RICTOR: variants seen among roughly 807,000 people sequenced by gnomAD.
RICTOR encodes the protein rapamycin-insensitive companion of mTOR.
RICTOR carries 49 observed loss-of-function variants against 214.9 expected under a neutral mutation model. The ratio of observed to expected loss-of-function variants is 0.23; its 90% CI spans 0.18 to 0.29. The LOEUF is 0.29. RICTOR is among the 10% of genes least tolerant of loss of function. The pLI, the probability that RICTOR is intolerant of heterozygous loss-of-function variation, is 1.00. For synonymous variants in RICTOR, 717 were observed against 711.3 expected, an observed-to-expected ratio of 1.01 and a Z score of -0.13; for missense variants, 1,625 against 2,047.0, an observed-to-expected ratio of 0.79 and a Z score of 3.98.
chr5:39,005,112 C>A (rs1353376186), intron 3 of RICTOR, among the ~76,000 whole-genome samples: 1 of 152,154 alleles, frequency 6.6e-6, no homozygotes, highest in Admixed American at 6.6e-5. Flanking sequence ...GACATCTTTC[C>A]TTATCTTTGG....
At chr5:38,955,024 T>C (rs1038255553) in intron 26 of RICTOR, 163 bp from the exon 27 acceptor site, 2 of 459,884 alleles carry the variant, frequency 4.3e-6, no homozygotes, top group Non-Finnish European at 7.6e-6. Flanking sequence ...AGGTAAAATA[T>C]AGGCTGGGCT....
intron 2 of RICTOR, among the ~76,000 whole-genome samples, chr5:39,062,843 A>ATT (rs1043568085): frequency 2.0e-5 from 3 of 152,092 alleles, no homozygotes; most frequent in African/African-American, 7.2e-5. Context: ...CTCAAACACT[A>ATT]TTTATCCTGT....
In RICTOR at chr5:38,946,490, T is replaced by A; in HGVS notation, c.4377A>T (p.Arg1459Ser). The change falls in exon 33 of 38, where the codon AGA (arginine) becomes AGT (serine). Residue 1459 changes from arginine to serine, a missense_variant. Transcript: ENST00000357387. Reference sequence around the variant, plus strand: ...TACCTCCTGCATCATGGGCAAATGCTCTTGCACCTCGATCATCATGTGGTG... The same window carrying A: ...TACCTCCTGCATCATGGGCAAATGCACTTGCACCTCGATCATCATGTGGTG... ...NIPPHDDRGA[R>S]AFAHDAGGLP... 6.2e-7 allele frequency: 1 copy of A among 1,610,902 alleles called. No homozygotes were observed. The highest frequency in any genetic ancestry group is 2.2e-5 in the East Asian group (1 of 44,784).
chr5:38,968,143 C>T (rs1310567891), intron 11 of RICTOR, 113 bp from the exon 12 acceptor site: 2 of 649,298 alleles, frequency 3.1e-6, no homozygotes, highest in East Asian at 5.4e-5. Flanking sequence ...AATACAATGA[C>T]ATGTCACATA....
At chr5:39,028,787 G>A (rs889453084) in intron 2 of RICTOR, among the ~76,000 whole-genome samples, 1 of 152,030 alleles carries the variant, frequency 6.6e-6, no homozygotes, top group African/African-American at 2.4e-5. Flanking sequence ...AATCCCAGCA[G>A]CTAGGGAGGC....
intron 3 of RICTOR, among the ~76,000 whole-genome samples, chr5:39,018,672 T>A (rs1013496015): frequency 1.3e-5 from 2 of 152,100 alleles, no homozygotes; most frequent in African/African-American, 4.8e-5. Context: ...AAATGTGTGT[T>A]CCAATTCCTC....
rs1747593453 is a variant in RICTOR, at chr5:38,941,719, G to A, written c.*585C>T. 2 of 232,218 alleles carry A rather than the reference G, an allele frequency of 8.6e-6. No homozygotes were observed. Among genetic ancestry groups the A allele is most frequent in the Non-Finnish European group, 8.5e-6 (1 of 117,230 alleles). 14.4% of individuals were successfully genotyped at this position (232,218 alleles called of 1,614,324 possible). A position where few individuals can be genotyped will look rare whatever the true frequency, so the allele number is the denominator to read the frequency against. On this transcript the variant is annotated 3_prime_UTR_variant, in exon 38 of 38. Transcript: ENST00000357387. ...AATAACTTATAAGTCCCGGGTTGTT[G>A]AGGCTCTTCTTCTGCTTTGAGGTTA...
chr5:38,939,168 G>A lies in RICTOR; in HGVS notation c.*3136C>T, dbSNP rs1047773400. On this transcript the variant is annotated 3_prime_UTR_variant, in exon 38 of 38. Transcript: ENST00000357387. Reference sequence around the variant, plus strand: ...GGGGATAAAAGGCATCCTCTGAATGGAATAACATTTTATATAAATAGCAGT... The same window carrying A: ...GGGGATAAAAGGCATCCTCTGAATGAAATAACATTTTATATAAATAGCAGT... The A allele has an allele frequency of 4.3e-6, 1 of 232,772 alleles. No individual in the cohort carries two copies. Among genetic ancestry groups the A allele is most frequent in the Admixed American group, 5.6e-5 (1 of 17,758 alleles). The allele number at this position is 232,772 out of a possible 1,614,324, so 14.4% of individuals were successfully genotyped here. A position where few individuals can be genotyped will look rare whatever the true frequency, so the allele number is the denominator to read the frequency against.
At chr5:39,017,001 T>C (rs1480879382) in intron 3 of RICTOR, among the ~76,000 whole-genome samples, 2 of 152,216 alleles carry the variant, frequency 1.3e-5, no homozygotes, top group African/African-American at 4.8e-5. Context: ...TTTACTTTTT[T>C]AGTATGGCTA....
In RICTOR at chr5:38,967,142, T is replaced by TA; in HGVS notation, c.1218+18dup. 1 of 1,533,740 alleles carries TA rather than the reference T, an allele frequency of 6.5e-7. No homozygotes were observed. Among genetic ancestry groups the TA allele is most frequent in the Non-Finnish European group, 9.0e-7 (1 of 1,108,774 alleles). On this transcript the variant is annotated intron_variant, in intron 14 of 37. Transcript: ENST00000357387. Reference sequence around the variant, plus strand: ...AGAAAATAAACAAAATGGAATAAAATAAGGTTTATAAGTCTTACCTCTAAA... The same window carrying TA: ...AGAAAATAAACAAAATGGAATAAAATAAAGGTTTATAAGTCTTACCTCTAAA...
intron 4 of RICTOR, 125 bp from the exon 5 acceptor site, chr5:39,002,791 G>C (rs1753739349): frequency 1.1e-6 from 1 of 879,982 alleles, no homozygotes; most frequent in Admixed American, 2.8e-5. Context: ...AATTCTAAGA[G>C]CATTCTACAT....
chr5:38,972,082 G>A (rs1579958553), intron 10 of RICTOR, 123 bp from the exon 11 acceptor site: 1 of 550,624 alleles, frequency 1.8e-6, no homozygotes, highest in East Asian at 2.9e-5. Context: ...GATACTATTT[G>A]GTCATCATAA....
Position 38,952,184 on chromosome 5 carries a change from C to G in RICTOR, c.3127+12G>C. ...ATTGGCTAACTTTATATGAACCTGT[C>G]AGGATACTCACTCGATGGCACAGAT... On this transcript the variant is annotated intron_variant, in intron 30 of 37. Coordinates refer to ENST00000357387, the MANE Select transcript of RICTOR (RefSeq NM_152756.5). 2 of 1,470,882 alleles carry G rather than the reference C, an allele frequency of 1.4e-6. No individual in the cohort carries two copies. Among genetic ancestry groups the G allele is most frequent in the Non-Finnish European group, 9.5e-7 (1 of 1,050,698 alleles). The allele number at this position is 1,470,882 out of a possible 1,614,324, so 91.1% of individuals were successfully genotyped here.
At chr5:38,972,347 C>T (rs1382017223) in intron 10 of RICTOR, among the ~76,000 whole-genome samples, 1 of 152,052 alleles carries the variant, frequency 6.6e-6, no homozygotes, top group East Asian at 1.9e-4. Flanking sequence ...TATTAAAGTT[C>T]AATTCTAAAA....
intron 2 of RICTOR, among the ~76,000 whole-genome samples, chr5:39,052,586 G>A (rs1757925592): frequency 6.6e-6 from 1 of 152,064 alleles, no homozygotes; most frequent in Non-Finnish European, 1.5e-5. Context: ...TTACCAATAA[G>A]ATCTAAAATA....
At chr5:38,984,881 G>A (rs949106663) in intron 7 of RICTOR, among the ~76,000 whole-genome samples, 1 of 152,120 alleles carries the variant, frequency 6.6e-6, no homozygotes, top group African/African-American at 2.4e-5. Context: ...GTGCAGTGGC[G>A]AGATCTCGGC....
intron 5 of RICTOR, among the ~76,000 whole-genome samples, chr5:38,997,172 G>A (rs1009357146): frequency 6.6e-6 from 1 of 152,068 alleles, no homozygotes; most frequent in African/African-American, 2.4e-5. Context: ...AACATAAAGT[G>A]TAAAAAGTCT....
Position 38,945,439 on chromosome 5 carries a change from G to A in RICTOR, c.4633+52C>T, listed in dbSNP as rs189631641. 461 of 1,243,384 alleles carry A rather than the reference G, an allele frequency of 3.7e-4. 3 individuals carry two copies. Among genetic ancestry groups the A allele is most frequent in the Middle Eastern group, 3.7e-3 (19 of 5,166 alleles). 77.0% of individuals were successfully genotyped at this position (1,243,384 alleles called of 1,614,324 possible). On this transcript the variant is annotated intron_variant, in intron 34 of 37. Transcript: ENST00000357387. ...AAAAGAAATTTGGAAAAGTAAACCA[G>A]AGAACTTTAGTCATCACTAGGTTTT... is the stretch of plus-strand genomic sequence containing the variant.
At chr5:38,953,762 C>A (rs560666742) in intron 27 of RICTOR, among the ~76,000 whole-genome samples, 7 of 151,828 alleles carry the variant, frequency 4.6e-5, no homozygotes, top group African/African-American at 1.7e-4. Flanking sequence ...AACTGCATGG[C>A]CTTGGGCAAG....
Sources: allele counts gnomAD v4.1 joint callset (sites outside exome capture counted in the v4.1 genomes callset), GRCh38; gene constraint gnomAD v4.1.1; transcripts MANE v1.5; gene names NCBI Gene and HGNC (gene_info 2026-07-23, HGNC 2026-07-21).